The following TRIM24 variants were observed in gnomAD, a reference collection of about 807,000 sequenced individuals.
TRIM24 encodes the protein transcription intermediary factor 1-alpha.
TRIM24 carries 29 observed loss-of-function variants against 123.9 expected under a neutral mutation model. The ratio of observed to expected loss-of-function variants is 0.23; its 90% CI spans 0.17 to 0.32. TRIM24 has a LOEUF of 0.32. TRIM24 is among the 10% of genes least tolerant of loss of function. The pLI, the probability that TRIM24 is intolerant of heterozygous loss-of-function variation, is 1.00. For missense variants in TRIM24, 932 were observed against 1,295.3 expected (o/e 0.72, Z 4.31); for synonymous variants, 456 against 461.1 (o/e 0.99, Z 0.14).
rs1204171103 is a variant in TRIM24 at position 138,589,360 on chromosome 7, T to C, written c.*4409T>C. 4.6e-5 allele frequency: 7 copies of C among 152,164 alleles called. No homozygotes were observed. The highest frequency in any genetic ancestry group is 1.0e-4 in the Non-Finnish European group (7 of 68,026). 9.4% of individuals were successfully genotyped at this position (152,164 alleles called of 1,614,324 possible). On this transcript the variant is annotated 3_prime_UTR_variant, in exon 19 of 19. Coordinates refer to ENST00000343526, the MANE Select transcript of TRIM24 (RefSeq NM_015905.3). ...GCTTTGGTTTTAATAAAAACTAACT[T>C]TGATGGATTTTTACTGTCAATATTT...
chr7:138,539,757 T>A (rs1796965217), intron 7 of TRIM24, among the ~76,000 whole-genome samples: 1 of 152,004 alleles, frequency 6.6e-6, no homozygotes, highest in South Asian at 2.1e-4. Flanking sequence ...TGCAGTAGTA[T>A]TATGTTTTTT....
intron 14 of TRIM24, among the ~76,000 whole-genome samples, chr7:138,578,108 A>G (rs1797802243): frequency 6.6e-6 from 1 of 152,220 alleles, no homozygotes; most frequent in Admixed American, 6.5e-5. Flanking sequence ...AAATGCTTCA[A>G]CAGTATTGAG....
intron 1 of TRIM24, among the ~76,000 whole-genome samples, chr7:138,476,250 G>A (rs1348626493): frequency 1.3e-5 from 2 of 152,128 alleles, no homozygotes; most frequent in Admixed American, 1.3e-4. Flanking sequence ...TTGTAAATGC[G>A]CATGGGATGC....
chr7:138,516,794 A>C (rs1796405459), intron 3 of TRIM24, among the ~76,000 whole-genome samples: 1 of 150,742 alleles, frequency 6.6e-6, no homozygotes, highest in Non-Finnish European at 1.5e-5. Context: ...CATGTATCAA[A>C]ATGTAGCAAA....
intron 5 of TRIM24, among the ~76,000 whole-genome samples, chr7:138,526,296 C>T (rs1046397960): frequency 1.3e-5 from 2 of 152,134 alleles, no homozygotes; most frequent in Non-Finnish European, 2.9e-5. Flanking sequence ...ACCTGATTCC[C>T]TTAAAAGAGA....
chr7:138,507,634 T>C (rs1015087345), intron 2 of TRIM24, among the ~76,000 whole-genome samples: 5 of 152,202 alleles, frequency 3.3e-5, no homozygotes, highest in Non-Finnish European at 7.3e-5. Context: ...CATCTGTAAA[T>C]ATTTTGGTAT....
chr7:138,540,080 G>A (rs189173080), intron 7 of TRIM24, among the ~76,000 whole-genome samples: 168 of 152,248 alleles, frequency 1.1e-3, no homozygotes, highest in African/African-American at 3.7e-3. Context: ...GATTACAGGC[G>A]TGAACCACTG....
intron 17 of TRIM24, among the ~76,000 whole-genome samples, chr7:138,582,393 T>G (rs554776984): frequency 2.6e-5 from 4 of 152,030 alleles, no homozygotes; most frequent in Non-Finnish European, 5.9e-5. Flanking sequence ...ATACAAAAAA[T>G]TAGCCAGGTG....
Position 138,525,259 on chromosome 7 carries a change from A to G in TRIM24, c.783A>G (p.Glu261=). The G allele has an allele frequency of 6.7e-7, 1 of 1,494,002 alleles. No individual in the cohort carries two copies. The highest frequency in any genetic ancestry group is 8.9e-7 in the Non-Finnish European group (1 of 1,126,288). The allele number at this position is 1,494,002 out of a possible 1,614,324, so 92.5% of individuals were successfully genotyped here. ...TCTTCAGATACCAATTTATAGAAGA[A>G]GCTTTTCAGAATCAGAAAGTGATCA... ...HKEHRYQFIE[E]AFQNQKVIID... The change falls in exon 5 of 19, where the codon GAA becomes GAG. Residue 261 remains glutamate (E), a synonymous_variant. Transcript: ENST00000343526.
chr7:138,520,334 G>C (rs1011037623), intron 4 of TRIM24, among the ~76,000 whole-genome samples: 2 of 152,212 alleles, frequency 1.3e-5, no homozygotes, highest in African/African-American at 4.8e-5. Context: ...ACTAAAATTG[G>C]ATTAAAGTGA....
intron 1 of TRIM24, among the ~76,000 whole-genome samples, chr7:138,496,070 C>A (rs1289655525): frequency 6.6e-6 from 1 of 152,096 alleles, no homozygotes; most frequent in Admixed American, 6.5e-5. Context: ...ATTGTTATTG[C>A]TATTCTCTGT....
chr7:138,502,845 G>A (rs1796070702), intron 1 of TRIM24, among the ~76,000 whole-genome samples: 1 of 152,132 alleles, frequency 6.6e-6, no homozygotes, highest in African/African-American at 2.4e-5. Context: ...TTCACTAGCT[G>A]TAGTTCTGTA....
At chr7:138,489,248 C>T (rs558510924) in intron 1 of TRIM24, among the ~76,000 whole-genome samples, 3 of 152,256 alleles carry the variant, frequency 2.0e-5, no homozygotes, top group African/African-American at 4.8e-5. Context: ...TGTCTGTGCA[C>T]GTGAGATGGG....
In TRIM24 at chr7:138,568,746, T is replaced by TTAAGTA. The variant is rs1554444082; in HGVS notation, c.1704+1092_1704+1093insTAAGTA. Among the ~76,000 whole-genome samples, 1,140 of 151,220 alleles carry TTAAGTA rather than the reference T, an allele frequency of 7.5e-3. 14 individuals are homozygous for TTAAGTA. Among genetic ancestry groups the TTAAGTA allele is most frequent in the South Asian group, 0.045 (216 of 4,778 alleles). ...ATATTTTCTGTGTTTTACATTATCTTAAAGTTATCACAGTGTTTTTTCTTC... is the reference window on the plus strand; with the variant it reads ...ATATTTTCTGTGTTTTACATTATCTTTAAGTAAAAGTTATCACAGTGTTTTTTCTTC... On this transcript the variant is annotated intron_variant, in intron 10 of 18. Transcript: ENST00000343526.
intron 1 of TRIM24, among the ~76,000 whole-genome samples, chr7:138,500,292 G>A (rs933461550): frequency 5.9e-5 from 9 of 152,252 alleles, no homozygotes; most frequent in Non-Finnish European, 7.4e-5. Context: ...AGGTATGATG[G>A]GTTATGCTTG....
At chr7:138,551,233 A>G (rs1191135632) in intron 8 of TRIM24, 53 bp downstream of exon 8, 1 of 1,427,798 alleles carries the variant, frequency 7.0e-7, no homozygotes, top group Non-Finnish European at 9.9e-7. Context: ...TGTAAAACTC[A>G]ATGATTATGA....
intron 13 of TRIM24, among the ~76,000 whole-genome samples, 196 bp from the exon 14 acceptor site, chr7:138,577,224 G>A (rs943477026): frequency 1.3e-5 from 2 of 151,780 alleles, no homozygotes; most frequent in Non-Finnish European, 2.9e-5. Context: ...TATTTAGATA[G>A]GTTAATATGT....
Position 138,460,489 on chromosome 7 carries a change from G to T in TRIM24, c.-60G>T. 1 of 1,255,740 alleles carries T rather than the reference G, an allele frequency of 8.0e-7. No homozygotes were observed. Among genetic ancestry groups the T allele is most frequent in the Middle Eastern group, 3.0e-4 (1 of 3,300 alleles). The allele number at this position is 1,255,740 out of a possible 1,614,324, so 77.8% of individuals were successfully genotyped here. A position where few individuals can be genotyped will look rare whatever the true frequency, so the allele number is the denominator to read the frequency against. On this transcript the variant is annotated 5_prime_UTR_variant, in exon 1 of 19. Transcript: ENST00000343526. ...GCAGCCGCAGGAGGAGGAGGAGGTC[G>T]TCGGGGGCGGCGGGCGGAGACCGCG... is the stretch of plus-strand genomic sequence containing the variant.
chr7:138,472,022 GA>G (rs201989262), intron 1 of TRIM24, among the ~76,000 whole-genome samples: 1 of 151,232 alleles, frequency 6.6e-6, no homozygotes, highest in East Asian at 1.9e-4. Context: ...ACTAAAAAAA[GA>G]AAAAAAACCA....
Sources: gnomAD v4.1 joint callset for allele counts (sites outside exome capture counted in the v4.1 genomes callset) on GRCh38, gnomAD v4.1.1 for gene constraint, MANE v1.5 for transcripts, NCBI Gene and HGNC (gene_info 2026-07-23, HGNC 2026-07-21) for gene names.